ERMAP: variants seen among roughly 807,000 people sequenced by gnomAD.
ERMAP encodes the protein erythroid membrane-associated protein.
Under a neutral mutation model 49.5 loss-of-function variants are expected in ERMAP, and 34 were observed. That is an observed-to-expected ratio of 0.69 (90% CI 0.52 to 0.91). The LOEUF (loss-of-function observed/expected upper bound fraction) is 0.91, where lower values mean the gene tolerates loss of function less well. Ranked by LOEUF, ERMAP falls within the 40% of genes least tolerant of loss-of-function variation. ERMAP has a pLI of 0.00. For missense variants in ERMAP, 541 were observed against 582.6 expected, an observed-to-expected ratio of 0.93 and a Z score of 0.74; for synonymous variants, 214 against 232.2, an observed-to-expected ratio of 0.92 and a Z score of 0.71.
At chr1:42,837,294 T>A in intron 7 of ERMAP, 104 bp downstream of exon 7, 1 of 1,217,296 alleles carries the variant, frequency 8.2e-7, no homozygotes, top group Non-Finnish European at 1.2e-6. Flanking sequence ...TATAATACTG[T>A]ACACACATGC....
At chr1:42,838,565 G>C (rs34391768) in intron 7 of ERMAP, among the ~76,000 whole-genome samples, 1,556 of 152,254 alleles carry the variant, frequency 0.01, 21 homozygotes, top group African/African-American at 0.036. Context: ...TACCATAAAC[G>C]GTGGGCTATA....
intron 4 of ERMAP, 161 bp from the exon 5 acceptor site, chr1:42,834,877 A>T: frequency 1.6e-6 from 1 of 634,740 alleles, no homozygotes; most frequent in Non-Finnish European, 2.9e-6. Flanking sequence ...AATGCTATCC[A>T]GGGCTTGAGT....
rs943692367 is a variant in ERMAP at position 42,830,921 on chromosome 1, T to G, written c.239T>G (p.Phe80Cys). Residue 80 changes from phenylalanine (F) to cysteine (C), a missense_variant, in exon 4 of 12, where the codon TTC becomes TGC. By Grantham distance (205) the Phe-to-Cys change is radical. Coordinates refer to ENST00000372517, the MANE Select transcript of ERMAP (RefSeq NM_001017922.2). ...FPQRSQAVHI[F>C]RDGKDQDEDL... ...CAGCGCTCCCAGGCTGTTCACATAT[T>G]CCGGGATGGGAAGGACCAGGATGAA... 9 of 1,614,020 alleles carry G rather than the reference T, an allele frequency of 5.6e-6. No individual in the cohort carries two copies. Among genetic ancestry groups the G allele is most frequent in the Non-Finnish European group, 7.6e-6 (9 of 1,180,028 alleles).
rs774203134 is a variant in ERMAP at position 42,840,139 on chromosome 1, T to C, written c.659-13T>C. On this transcript the variant is annotated splice_polypyrimidine_tract_variant and intron_variant, in intron 9 of 11. Coordinates refer to ENST00000372517, the MANE Select transcript of ERMAP (RefSeq NM_001017922.2). ...GCAGTGATAGCTCATTCCCCTTGTT[T>C]CTTCTTTCATAGAGTTGAAAAGAGC... is the stretch of plus-strand genomic sequence containing the variant. 1.2e-6 allele frequency: 2 copies of C among 1,614,208 alleles called. No homozygotes were observed. The highest frequency in any genetic ancestry group is 3.3e-5 in the Admixed American group (2 of 60,026).
Position 42,819,383 on chromosome 1 carries a change from G to A in ERMAP, c.-122+2130G>A, listed in dbSNP as rs564990763. ...GGAAGGTGAAGGTTGGAGCCAGGAG[G>A]GAGTGAATGTTGAGGCTGAACACTG... On this transcript the variant is annotated intron_variant, in intron 1 of 11. Transcript: ENST00000372517. The surrounding 1 kb of genome is among the most constrained non-coding windows in gnomAD (Gnocchi z 5.1). 2.0e-5 allele frequency among the ~76,000 whole-genome samples: 3 copies of A among 151,968 alleles called. No homozygotes were observed. Among genetic ancestry groups the A allele is most frequent in the Admixed American group, 2.0e-4 (3 of 15,264 alleles).
In ERMAP at chr1:42,819,445, C is replaced by T. The variant is rs1480775363; in HGVS notation, c.-122+2192C>T. On this transcript the variant is annotated intron_variant, in intron 1 of 11. Coordinates refer to ENST00000372517, the MANE Select transcript of ERMAP (RefSeq NM_001017922.2). This position sits in a 1 kb window ranked among gnomAD's most constrained non-coding sequence, Gnocchi z 5.1. ...TCTCTATTCTTTCCATGAGTTTATGCTTTGTCTGTCTCTTTTGTGTCTACC... is the reference window on the plus strand; with the variant it reads ...TCTCTATTCTTTCCATGAGTTTATGTTTTGTCTGTCTCTTTTGTGTCTACC... Among the ~76,000 whole-genome samples the T allele has an allele frequency of 6.6e-6, 1 of 152,016 alleles. No individual in the cohort carries two copies. The highest frequency in any genetic ancestry group is 1.5e-5 in the Non-Finnish European group (1 of 68,008).
intron 1 of ERMAP, among the ~76,000 whole-genome samples, chr1:42,824,053 C>G (rs114341609): frequency 4.5e-4 from 69 of 152,242 alleles, no homozygotes; most frequent in Non-Finnish European, 8.2e-4. Flanking sequence ...CAAGAATGTT[C>G]AGGGCACGAG....
intron 4 of ERMAP, among the ~76,000 whole-genome samples, chr1:42,833,398 G>A (rs1444548266): frequency 6.6e-6 from 1 of 152,190 alleles, no homozygotes; most frequent in Admixed American, 6.5e-5. Context: ...CTCTGAGCAT[G>A]TATGTTTACA....
intron 2 of ERMAP, chr1:42,830,160 C>T (rs1198114942): frequency 4.6e-6 from 2 of 434,896 alleles, no homozygotes; most frequent in Non-Finnish European, 8.5e-6. Flanking sequence ...CATTTAGAGA[C>T]TTAACACGCC....
intron 1 of ERMAP, among the ~76,000 whole-genome samples, chr1:42,823,356 T>G (rs1487306711): frequency 2.0e-5 from 3 of 152,216 alleles, no homozygotes; most frequent in Non-Finnish European, 4.4e-5. Context: ...ACACATTTCA[T>G]TATACAACAT....
chr1:42,820,861 CA>C (rs1289801124), intron 1 of ERMAP, among the ~76,000 whole-genome samples: 1 of 152,176 alleles, frequency 6.6e-6, no homozygotes, highest in African/African-American at 2.4e-5. Flanking sequence ...CAGACAATAA[CA>C]GCTACCATTG....
At chr1:42,827,308 C>A (rs995839770) in intron 2 of ERMAP, among the ~76,000 whole-genome samples, 4 of 152,110 alleles carry the variant, frequency 2.6e-5, no homozygotes, top group Non-Finnish European at 5.9e-5. Context: ...TAGCTGGGAC[C>A]ACAGGCACAT....
At position 42,819,654 on chromosome 1, in the gene ERMAP, A is replaced by G. The variant is rs1654354779; in HGVS notation, c.-122+2401A>G. On this transcript the variant is annotated intron_variant, in intron 1 of 11. Coordinates refer to ENST00000372517, the MANE Select transcript of ERMAP (RefSeq NM_001017922.2). The surrounding 1 kb of genome is among the most constrained non-coding windows in gnomAD (Gnocchi z 5.1). ...TCTATTTTTATTTGCTTAATGATCTATGCATCCCTTGTTTATTTTTTATTT... is the reference window on the plus strand; with the variant it reads ...TCTATTTTTATTTGCTTAATGATCTGTGCATCCCTTGTTTATTTTTTATTT... Among the ~76,000 whole-genome samples, 1 of 152,118 alleles carries G rather than the reference A, an allele frequency of 6.6e-6. No homozygotes were observed. The highest frequency in any genetic ancestry group is 6.5e-5 in the Admixed American group (1 of 15,280).
intron 1 of ERMAP, chr1:42,824,598 G>A (rs1345566946): frequency 6.6e-6 from 1 of 152,284 alleles, no homozygotes; most frequent in Non-Finnish European, 1.5e-5. Flanking sequence ...GTGTATTTAG[G>A]AGGTAATCCC....
Position 42,830,529 on chromosome 1 carries a change from G to C in ERMAP, c.81G>C (p.Val27=), listed in dbSNP as rs1351959883. The stretch of plus-strand genomic sequence containing the variant: ...TCTTCCTCCGGCTGTCTGTGCATGT[G>C]TCAGGTAGGAGTTTCTGATCCTCTT... The part of the protein sequence containing the change: ...PLVFLRLSVH[V]SGHAGDAGKF... The change falls in exon 3 of 12, where the codon GTG becomes GTC. Residue 27 remains valine (V), a synonymous_variant. Transcript: ENST00000372517. 5 of 1,613,808 alleles carry C rather than the reference G, an allele frequency of 3.1e-6. No homozygotes were observed. Among genetic ancestry groups the C allele is most frequent in the African/African-American group, 1.3e-5 (1 of 74,902 alleles).
intron 5 of ERMAP, 134 bp from the exon 6 acceptor site, chr1:42,835,598 T>C: frequency 8.6e-7 from 1 of 1,168,514 alleles, no homozygotes; most frequent in Non-Finnish European, 1.2e-6. Flanking sequence ...GACTCTCTAA[T>C]CCTTTCAAAT....
chr1:42,831,261 T>G (rs1654722158), intron 4 of ERMAP, 146 bp downstream of exon 4: 2 of 1,017,102 alleles, frequency 2.0e-6, no homozygotes, highest in Non-Finnish European at 2.8e-6. Flanking sequence ...TACCCAGCCA[T>G]GTCCATTGAT....
Position 42,843,035 on chromosome 1 carries a change from A to T in ERMAP, c.1231A>T (p.Ile411Phe). 1 of 1,614,130 alleles carries T rather than the reference A, an allele frequency of 6.2e-7. No individual in the cohort carries two copies. The highest frequency in any genetic ancestry group is 8.5e-7 in the Non-Finnish European group (1 of 1,180,018). ...AGGAAAAAACACAGCACCTCTAGTC[A>T]TTTGTTCAGAACTACACAAATCAGA... ...DGGKNTAPLV[I>F]CSELHKSEES... Residue 411 changes from isoleucine to phenylalanine, a missense_variant, in exon 12 of 12, where the codon ATT becomes TTT. Physicochemically the swap from Ile to Phe is conservative, Grantham distance 21. Transcript: ENST00000372517.
intron 6 of ERMAP, 57 bp downstream of exon 6, chr1:42,835,821 GC>G (rs35767222): frequency 2.5e-6 from 4 of 1,584,466 alleles, no homozygotes; most frequent in South Asian, 2.4e-5. Flanking sequence ...TAATTTCTGT[GC>G]CCCCCATACC....
Sources: allele counts gnomAD v4.1 joint callset (sites outside exome capture counted in the v4.1 genomes callset), GRCh38; gene constraint gnomAD v4.1.1; non-coding constraint Gnocchi (gnomAD v3.1); transcripts MANE v1.5; gene names NCBI Gene and HGNC (gene_info 2026-07-23, HGNC 2026-07-21).